Variants in SLC12A2 observed in about 807,000 individuals in gnomAD.
SLC12A2 encodes solute carrier family 12 member 2.
In SLC12A2, 67 loss-of-function variants were observed where a neutral mutation model predicts 136.3. The ratio of observed to expected loss-of-function variants is 0.49; its 90% CI spans 0.40 to 0.60. SLC12A2 has a LOEUF of 0.60. SLC12A2 is among the 20% of genes least tolerant of loss of function. The pLI, the probability that SLC12A2 is intolerant of heterozygous loss-of-function variation, is 0.00. For synonymous variants in SLC12A2, 619 were observed against 562.9 expected (o/e 1.10, Z -1.41); for missense variants, 1,322 against 1,534.7 (o/e 0.86, Z 2.32).
At chr5:128,106,876 C>T (rs751609228) in intron 1 of SLC12A2, among the ~76,000 whole-genome samples, 4 of 152,088 alleles carry the variant, frequency 2.6e-5, no homozygotes. Flanking sequence ...AAGTAGCCTA[C>T]TAAGTACATA....
chr5:128,140,630 T>C (rs1762332307), intron 9 of SLC12A2, among the ~76,000 whole-genome samples: 1 of 150,012 alleles, frequency 6.7e-6, no homozygotes, highest in African/African-American at 2.5e-5. Flanking sequence ...TTGATGCTGA[T>C]GTTCAGTAGC....
intron 18 of SLC12A2, chr5:128,169,444 A>G (rs1763301427): frequency 6.6e-6 from 1 of 152,152 alleles, no homozygotes; most frequent in Non-Finnish European, 1.5e-5. Context: ...AAGCAGCTGG[A>G]TCTCATACTC....
At chr5:128,120,558 A>G (rs1761522567) in intron 4 of SLC12A2, among the ~76,000 whole-genome samples, 1 of 151,202 alleles carries the variant, frequency 6.6e-6, no homozygotes, top group Non-Finnish European at 1.5e-5. Context: ...TGTCCTTTGT[A>G]GAGACATGGA....
rs896108406 is a variant in SLC12A2, at chr5:128,181,083, G to C, written c.3212+89G>C. Reference sequence around the variant, plus strand: ...GATAGGATAAAAATTAGACAATCCAGAAAATGTCTATTATCTTGCTTTGTT... The same window carrying C: ...GATAGGATAAAAATTAGACAATCCACAAAATGTCTATTATCTTGCTTTGTT... On this transcript the variant is annotated intron_variant, in intron 23 of 26. Coordinates refer to ENST00000262461, the MANE Select transcript of SLC12A2 (RefSeq NM_001046.3). 6 of 835,860 alleles carry C rather than the reference G, an allele frequency of 7.2e-6. No individual in the cohort carries two copies. In the South Asian group the frequency reaches 9.1e-5, roughly 13 times the overall value. 51.8% of individuals were successfully genotyped at this position (835,860 alleles called of 1,614,324 possible).
At chr5:128,126,966 A>ATATATATATATATATATAATTTTTT in intron 4 of SLC12A2, among the ~76,000 whole-genome samples, 1 of 21,160 alleles carries the variant, frequency 4.7e-5, no homozygotes, top group African/African-American at 2.5e-4. Flanking sequence ...ATATATATAT[A>ATATATATATATATATATAATTTTTT]TTTTTTTTTT....
At chr5:128,095,427 T>C (rs1760494925) in intron 1 of SLC12A2, among the ~76,000 whole-genome samples, 2 of 152,156 alleles carry the variant, frequency 1.3e-5, no homozygotes, top group Admixed American at 1.3e-4. Flanking sequence ...GGTCTCGGTA[T>C]CCCAATTTTT....
At chr5:128,129,059 A>C (rs571926056) in intron 4 of SLC12A2, among the ~76,000 whole-genome samples, 1 of 152,116 alleles carries the variant, frequency 6.6e-6, no homozygotes, top group Admixed American at 6.5e-5. Flanking sequence ...TTTAAGGCAC[A>C]TAACATGAAT....
chr5:128,180,844 T>C (rs1270763474), intron 22 of SLC12A2, 39 bp from the exon 23 acceptor site: 3 of 1,176,418 alleles, frequency 2.6e-6, no homozygotes, highest in Non-Finnish European at 2.5e-6. Context: ...TTAAGAAATT[T>C]GCATTTAGTA....
intron 1 of SLC12A2, among the ~76,000 whole-genome samples, chr5:128,093,417 A>C (rs1027178894): frequency 3.9e-5 from 6 of 152,006 alleles, no homozygotes; most frequent in Non-Finnish European, 8.8e-5. Flanking sequence ...CACTCCTCTG[A>C]GTTCTGGGTA....
In SLC12A2 at chr5:128,091,416, C is replaced by T. The variant is rs944405474; in HGVS notation, c.756+6706C>T. Among the ~76,000 whole-genome samples, 11 of 152,152 alleles carry T rather than the reference C, an allele frequency of 7.2e-5. No homozygotes were observed. In the South Asian group the frequency reaches 1.2e-3, roughly 17 times the overall value. On this transcript the variant is annotated intron_variant, in intron 1 of 26. Coordinates refer to ENST00000262461, the MANE Select transcript of SLC12A2 (RefSeq NM_001046.3). ...TTAAGAAAACAGCTTTCATTTTTAG[C>T]GTAAAAATGTGCTTTTGCTCTTCAG...
intron 1 of SLC12A2, among the ~76,000 whole-genome samples, chr5:128,111,826 G>A (rs938476210): frequency 4.0e-4 from 59 of 148,474 alleles, no homozygotes; most frequent in East Asian, 1.2e-3. Context: ...GTGTGTGTGT[G>A]TATATATATA....
chr5:128,125,873 GC>G (rs1761772971), intron 4 of SLC12A2, among the ~76,000 whole-genome samples: 2 of 151,946 alleles, frequency 1.3e-5, no homozygotes, highest in South Asian at 4.1e-4. Context: ...TACCCTTCTT[GC>G]CCCCATCCTT....
intron 17 of SLC12A2, among the ~76,000 whole-genome samples, chr5:128,163,774 T>C (rs1763116884): frequency 1.3e-5 from 2 of 152,166 alleles, no homozygotes; most frequent in African/African-American, 4.8e-5. Context: ...TAGTAAATTT[T>C]ATATGTATGC....
chr5:128,177,783 A>G (rs1763579928), intron 21 of SLC12A2: 1 of 152,182 alleles, frequency 6.6e-6, no homozygotes, highest in African/African-American at 2.4e-5. Flanking sequence ...TTCTGCTTTT[A>G]AAATTTTGGT....
intron 14 of SLC12A2, 81 bp from the exon 15 acceptor site, chr5:128,152,625 T>G (rs1046004308): frequency 2.3e-6 from 2 of 879,502 alleles, no homozygotes; most frequent in Middle Eastern, 4.3e-4. Flanking sequence ...GAAAGCATGT[T>G]TAATTCTCTA....
At chr5:128,152,284 G>A (rs1041863337) in intron 14 of SLC12A2, among the ~76,000 whole-genome samples, 4 of 152,090 alleles carry the variant, frequency 2.6e-5, no homozygotes, top group Non-Finnish European at 4.4e-5. Flanking sequence ...TGAAGTCCAA[G>A]TTGTTTATTC....
chr5:128,119,692 C>T (rs1398821904), intron 4 of SLC12A2, among the ~76,000 whole-genome samples: 2 of 152,024 alleles, frequency 1.3e-5, no homozygotes, highest in East Asian at 1.9e-4. Flanking sequence ...TTCCTTACAC[C>T]TTATAAAAAA....
intron 1 of SLC12A2, among the ~76,000 whole-genome samples, chr5:128,099,976 A>C (rs1456112396): frequency 6.6e-6 from 1 of 152,172 alleles, no homozygotes; most frequent in Non-Finnish European, 1.5e-5. Flanking sequence ...AAAAATTGTA[A>C]GTACATAAAC....
intron 23 of SLC12A2, among the ~76,000 whole-genome samples, chr5:128,181,944 C>A (rs1763720487): frequency 6.8e-6 from 1 of 146,368 alleles, no homozygotes; most frequent in South Asian, 2.3e-4. Flanking sequence ...CACTTACCCC[C>A]CCATCTAGTT....
Sources: gnomAD v4.1 joint callset for allele counts (sites outside exome capture counted in the v4.1 genomes callset) on GRCh38, gnomAD v4.1.1 for gene constraint, MANE v1.5 for transcripts, NCBI Gene and HGNC (gene_info 2026-07-23, HGNC 2026-07-21) for gene names.